SEPTIN11: variants seen among roughly 807,000 people sequenced by gnomAD.
The protein encoded by SEPTIN11 is septin-11.
A neutral mutation model predicts 51.4 loss-of-function variants in SEPTIN11; 25 were observed. The observed-to-expected ratio is 0.49, with a 90% CI of 0.35 to 0.68. The LOEUF (loss-of-function observed/expected upper bound fraction) is 0.68. Ranked by LOEUF, SEPTIN11 falls within the 30% of genes least tolerant of loss-of-function variation. SEPTIN11 has a pLI of 0.00. For missense variants in SEPTIN11, 381 were observed against 520.8 expected (o/e 0.73, Z 2.61); for synonymous variants, 174 against 184.1 (o/e 0.95, Z 0.44).
chr4:77,003,077 G>A (rs1724231590), intron 2 of SEPTIN11, among the ~76,000 whole-genome samples: 1 of 152,130 alleles, frequency 6.6e-6, no homozygotes, highest in Admixed American at 6.5e-5. Context: ...GCTGCCTCAT[G>A]GTTTCTGCTT....
At chr4:77,022,037 G>C (rs915582408) in intron 7 of SEPTIN11, among the ~76,000 whole-genome samples, 3 of 152,158 alleles carry the variant, frequency 2.0e-5, no homozygotes, top group East Asian at 1.9e-4. Flanking sequence ...GCGAGGTGTA[G>C]GACACCTTTT....
At chr4:76,997,376 A>G (rs1169015282) in intron 2 of SEPTIN11, among the ~76,000 whole-genome samples, 2 of 152,262 alleles carry the variant, frequency 1.3e-5, no homozygotes, top group Non-Finnish European at 2.9e-5. Context: ...TTGTCCAAGT[A>G]AAGCAAAGAG....
At chr4:77,005,880 T>A (rs758673474) in intron 3 of SEPTIN11, 84 bp downstream of exon 3, 51 of 1,328,192 alleles carry the variant, frequency 3.8e-5, no homozygotes, top group Admixed American at 8.5e-5. Flanking sequence ...CCAAATGTTT[T>A]GGGGATTTTT....
chr4:76,997,886 G>A lies in SEPTIN11; in HGVS notation c.142+1347G>A, dbSNP rs186795014. 2.0e-5 allele frequency among the ~76,000 whole-genome samples: 3 copies of A among 152,244 alleles called. No homozygotes were observed. The East Asian group carries it at 5.8e-4, about 29-fold the overall frequency. On this transcript the variant is annotated intron_variant, in intron 2 of 9. Transcript: ENST00000264893. Reference sequence around the variant, plus strand: ...CAATTACTATTCTGGCTTCTCTTCAGTGCCTCCCCAGCCCTGTCTCCAAAA... The same window carrying A: ...CAATTACTATTCTGGCTTCTCTTCAATGCCTCCCCAGCCCTGTCTCCAAAA...
intron 5 of SEPTIN11, among the ~76,000 whole-genome samples, chr4:77,015,573 C>G (rs891865502): frequency 2.0e-5 from 3 of 152,156 alleles, no homozygotes; most frequent in Non-Finnish European, 4.4e-5. Context: ...TCCATCCTGC[C>G]GGTTGATGCT....
chr4:76,997,350 G>T (rs1723794534), intron 2 of SEPTIN11, among the ~76,000 whole-genome samples: 1 of 152,186 alleles, frequency 6.6e-6, no homozygotes, highest in Non-Finnish European at 1.5e-5. Flanking sequence ...GGCAGAATGT[G>T]TCAGACTTAC....
At position 77,036,752 on chromosome 4, in the gene SEPTIN11, T is replaced by C; in HGVS notation, c.*2240T>C. 7 of 1,533,948 alleles carry C rather than the reference T, an allele frequency of 4.6e-6. No homozygotes were observed. Among genetic ancestry groups the C allele is most frequent in the Non-Finnish European group, 3.5e-6 (4 of 1,146,800 alleles). On this transcript the variant is annotated 3_prime_UTR_variant, in exon 10 of 10. Transcript: ENST00000264893. The stretch of plus-strand genomic sequence containing the variant: ...TGCTTTTCTTTTTTCTTTCTGTATC[T>C]ATGCCTTTTTTTCACAGTAGTCCTT...
chr4:77,026,604 G>A (rs1360579640), intron 7 of SEPTIN11, among the ~76,000 whole-genome samples: 1 of 152,180 alleles, frequency 6.6e-6, no homozygotes. Flanking sequence ...GTCTTTTGAC[G>A]TTGGAGCCCC....
At chr4:76,956,962 A>ATG (rs202035045) in intron 1 of SEPTIN11, among the ~76,000 whole-genome samples, 4,286 of 119,152 alleles carry the variant, frequency 0.036, 124 homozygotes, top group South Asian at 0.079. Context: ...TAGTAGAATG[A>ATG]TGTGTGTGTG....
chr4:77,025,360 G>A (rs566681792), intron 7 of SEPTIN11, among the ~76,000 whole-genome samples: 1 of 151,948 alleles, frequency 6.6e-6, no homozygotes, highest in Non-Finnish European at 1.5e-5. Context: ...AACATAGGGA[G>A]ACTTCATCTC....
intron 1 of SEPTIN11, among the ~76,000 whole-genome samples, chr4:76,954,464 C>T: frequency 6.6e-6 from 1 of 152,128 alleles, no homozygotes; most frequent in Admixed American, 6.6e-5. Context: ...TGATAACCTC[C>T]CCCGCCCCCT....
At chr4:77,008,379 C>T (rs1479435936) in intron 3 of SEPTIN11, among the ~76,000 whole-genome samples, 1 of 152,180 alleles carries the variant, frequency 6.6e-6, no homozygotes, top group Non-Finnish European at 1.5e-5. Flanking sequence ...GAATTTCAAC[C>T]TCACCAAATC....
At chr4:77,004,894 T>G (rs572293433) in intron 2 of SEPTIN11, among the ~76,000 whole-genome samples, 27 of 152,150 alleles carry the variant, frequency 1.8e-4, no homozygotes, top group African/African-American at 6.0e-4. Context: ...ATCCAGGAGA[T>G]GAAGGTTGCA....
In SEPTIN11 at chr4:76,983,195, T is replaced by G. The variant is rs571357778; in HGVS notation, c.28-13230T>G. ...AATGGAGATTGACCTGGGTGGACCT[T>G]ACCTCATTAAGCAGTCCCTTAAAAG... On this transcript the variant is annotated intron_variant, in intron 1 of 9. Coordinates refer to ENST00000264893, the MANE Select transcript of SEPTIN11 (RefSeq NM_018243.4). Among the ~76,000 whole-genome samples the G allele has an allele frequency of 3.9e-5, 6 of 152,282 alleles. No individual in the cohort carries two copies. In the East Asian group the frequency reaches 1.2e-3, roughly 29 times the overall value.
chr4:76,989,048 A>G (rs1190277560), intron 1 of SEPTIN11, among the ~76,000 whole-genome samples: 1 of 152,234 alleles, frequency 6.6e-6, no homozygotes, highest in Non-Finnish European at 1.5e-5. Flanking sequence ...CATCTCTAAC[A>G]TCCAGATTAA....
intron 2 of SEPTIN11, among the ~76,000 whole-genome samples, chr4:77,001,250 T>A (rs1276821358): frequency 1.3e-5 from 2 of 152,278 alleles, no homozygotes; most frequent in South Asian, 2.1e-4. Context: ...TTTAGGCAGA[T>A]GAATTTATGA....
At chr4:76,974,979 C>T (rs938504028) in intron 1 of SEPTIN11, among the ~76,000 whole-genome samples, 2 of 151,874 alleles carry the variant, frequency 1.3e-5, no homozygotes, top group African/African-American at 2.4e-5. Context: ...AAAAATTAGT[C>T]AGGTGCGGTG....
In SEPTIN11 at chr4:76,994,900, CTTTTTTTT is replaced by C. The variant is rs55728971; in HGVS notation, c.28-1504_28-1497del. Reference sequence around the variant, plus strand: ...ATTGACTAAGTGATCCTGTACAAAGCTTTTTTTTTTTTTTTTTTTTTTTTTTTTAAATA... The same window carrying C: ...ATTGACTAAGTGATCCTGTACAAAGCTTTTTTTTTTTTTTTTTTTTAAATA... On this transcript the variant is annotated intron_variant, in intron 1 of 9. Coordinates refer to ENST00000264893, the MANE Select transcript of SEPTIN11 (RefSeq NM_018243.4). Among the ~76,000 whole-genome samples, 16 of 54,882 alleles carry C rather than the reference CTTTTTTTT, an allele frequency of 2.9e-4. No individual in the cohort carries two copies. The East Asian group carries it at 6.4e-3, about 22-fold the overall frequency. The allele number at this position is 54,882 out of a possible 152,430, so 36.0% of individuals were successfully genotyped here.
intron 5 of SEPTIN11, among the ~76,000 whole-genome samples, chr4:77,018,523 T>C (rs2109967568): frequency 6.6e-6 from 1 of 152,330 alleles, no homozygotes. Flanking sequence ...GCATATCTCA[T>C]CGTGGACTGA....
Sources: gnomAD v4.1 joint callset for allele counts (sites outside exome capture counted in the v4.1 genomes callset) on GRCh38, gnomAD v4.1.1 for gene constraint, MANE v1.5 for transcripts, NCBI Gene and HGNC (gene_info 2026-07-23, HGNC 2026-07-21) for gene names.